Variants in CCDC91 observed in about 807,000 individuals in gnomAD.
CCDC91 encodes coiled-coil domain containing 91, also known as coiled-coil domain-containing protein 91.
In CCDC91, 48 loss-of-function variants were observed where a neutral mutation model predicts 63.2. That is an observed-to-expected ratio of 0.76 (90% CI 0.60 to 0.97). The LOEUF is 0.97. Ranked by LOEUF, CCDC91 falls within the 50% of genes least tolerant of loss-of-function variation. The pLI is 0.00. For missense variants in CCDC91, 500 were observed against 494.6 expected, an observed-to-expected ratio of 1.01 and a Z score of -0.10; for synonymous variants, 167 against 165.8, an observed-to-expected ratio of 1.01 and a Z score of -0.06.
At chr12:28,235,090 C>T (rs1019143770) in intron 1 of CCDC91, among the ~76,000 whole-genome samples, 16 of 152,182 alleles carry the variant, frequency 1.1e-4, no homozygotes, top group Middle Eastern at 3.4e-3. Context: ...TCAGCATAGT[C>T]AAATTTCTTA....
chr12:28,296,136 ATTTTATTTTTTAAATT>A (rs958923224), intron 3 of CCDC91, among the ~76,000 whole-genome samples: 30 of 151,510 alleles, frequency 2.0e-4, no homozygotes, highest in Non-Finnish European at 2.8e-4. Context: ...ATTTTTTTAA[ATTTTATTTTTTAAATT>A]TTTTATTTTT....
At chr12:28,279,236 G>T (rs1948437155) in intron 3 of CCDC91, among the ~76,000 whole-genome samples, 1 of 123,746 alleles carries the variant, frequency 8.1e-6, no homozygotes, top group Non-Finnish European at 1.9e-5. Flanking sequence ...TGATATAAAA[G>T]TTTGTCTCTG....
intron 12 of CCDC91, among the ~76,000 whole-genome samples, chr12:28,507,454 T>G (rs932192512): frequency 1.3e-5 from 2 of 152,014 alleles, no homozygotes; most frequent in African/African-American, 4.8e-5. Flanking sequence ...TCAAAATCAC[T>G]GCCAGTTTTC....
intron 12 of CCDC91, among the ~76,000 whole-genome samples, chr12:28,538,645 T>C (rs146659746): frequency 0.016 from 2,502 of 152,272 alleles, 26 homozygotes; most frequent in South Asian, 0.029. Flanking sequence ...CTGGGTCAAA[T>C]GCTGTTTCTA....
intron 3 of CCDC91, among the ~76,000 whole-genome samples, chr12:28,282,868 G>A (rs747563811): frequency 6.6e-6 from 1 of 152,012 alleles, no homozygotes; most frequent in African/African-American, 2.4e-5. Context: ...AATACATCTT[G>A]GGTTAGTTTT....
Position 28,509,003 on chromosome 12 carries a change from G to C in CCDC91, c.1215+24838G>C, listed in dbSNP as rs569367329. Among the ~76,000 whole-genome samples the C allele has an allele frequency of 3.3e-5, 5 of 151,968 alleles. No homozygotes were observed. The East Asian group carries it at 7.8e-4, about 24-fold the overall frequency. On this transcript the variant is annotated intron_variant, in intron 12 of 12. Coordinates refer to ENST00000536442, the MANE Select transcript of CCDC91 (RefSeq NM_018318.5). ...ATAGGCCATTCCATCATTCTGTTAG[G>C]CCAGTAACTTCTAGTTGTATAGTCT...
At position 28,307,688 on chromosome 12, in the gene CCDC91, G is replaced by C. The variant is rs148160409; in HGVS notation, c.515G>C (p.Gly172Ala). ...GAAAAGCATAATGTCTTAGAAAAAG[G>C]CTTTCTAAAAGAAAAAGAGCAAGAG... Reference protein sequence around the residue: ...LMEKHNVLEKGFLKEKEQEAI... With the variant: ...LMEKHNVLEKAFLKEKEQEAI... The change falls in exon 6 of 13, where the codon GGC becomes GCC. Residue 172 changes from glycine to alanine, a missense_variant. By Grantham distance (60) the Gly-to-Ala change is moderately conservative (BLOSUM62 0). Transcript: ENST00000536442. 89 of 1,588,954 alleles carry C rather than the reference G, an allele frequency of 5.6e-5. No individual in the cohort carries two copies. Among genetic ancestry groups the C allele is most frequent in the Middle Eastern group, 1.7e-4 (1 of 5,990 alleles).
rs544627149 is a variant in CCDC91, at chr12:28,484,055, A to T, written c.1105A>T (p.Thr369Ser). The change falls in exon 12 of 13, where the codon ACT (threonine) becomes TCT (serine). Residue 369 changes from threonine to serine, a missense_variant. By Grantham distance (58) the Thr-to-Ser change is moderately conservative (BLOSUM62 1). Transcript: ENST00000536442. ...IQEQRKISQE[T>S]VKAAIIEEQK... ...TTTTGCCTTCTCCCACAAACAGGAA[A>T]CTGTTAAGGCAGCAATAATAGAAGA... 3.7e-6 allele frequency: 6 copies of T among 1,606,584 alleles called. No homozygotes were observed. The highest frequency in any genetic ancestry group is 5.1e-6 in the Non-Finnish European group (6 of 1,175,726).
chr12:28,296,052 A>G (rs1006424718), intron 3 of CCDC91, among the ~76,000 whole-genome samples: 7 of 151,546 alleles, frequency 4.6e-5, no homozygotes, highest in African/African-American at 1.7e-4. Flanking sequence ...TCATTAGTTT[A>G]TTTCTATTTT....
intron 6 of CCDC91, among the ~76,000 whole-genome samples, chr12:28,341,093 C>A (rs1471994202): frequency 1.3e-5 from 2 of 152,150 alleles, no homozygotes; most frequent in Admixed American, 6.5e-5. Context: ...TGGTCTGCTG[C>A]CTTGCTGACG....
chr12:28,200,001 C>T (rs377671430), intron 1 of CCDC91, among the ~76,000 whole-genome samples: 27 of 152,102 alleles, frequency 1.8e-4, no homozygotes, highest in African/African-American at 6.0e-4. Context: ...GAGAAGTTTC[C>T]TTGTATCGTT....
intron 6 of CCDC91, among the ~76,000 whole-genome samples, chr12:28,336,861 C>G (rs975229775): frequency 4.6e-5 from 7 of 152,002 alleles, no homozygotes; most frequent in Non-Finnish European, 1.0e-4. Context: ...ATTTTTTAAA[C>G]TAAAATTTGA....
At chr12:28,515,903 C>T (rs1359235165) in intron 12 of CCDC91, among the ~76,000 whole-genome samples, 2 of 151,874 alleles carry the variant, frequency 1.3e-5, no homozygotes, top group African/African-American at 4.8e-5. Flanking sequence ...CTTCCAGTCA[C>T]TACTATCCCC....
intron 8 of CCDC91, among the ~76,000 whole-genome samples, chr12:28,440,509 C>T (rs951462992): frequency 1.3e-5 from 2 of 152,068 alleles, no homozygotes; most frequent in Admixed American, 1.3e-4. Flanking sequence ...ATCTTCTTGA[C>T]CTGGATGTAG....
chr12:28,473,772 G>A (rs952305545), intron 11 of CCDC91, among the ~76,000 whole-genome samples: 6 of 152,084 alleles, frequency 3.9e-5, no homozygotes, highest in East Asian at 3.9e-4. Context: ...TTTTGCAACC[G>A]ATGCCGTCAA....
At chr12:28,362,538 T>C (rs1943970272) in intron 7 of CCDC91, 23 bp downstream of exon 7, 2 of 1,480,548 alleles carry the variant, frequency 1.4e-6, no homozygotes, top group Admixed American at 2.2e-5. Flanking sequence ...GAGTGTTTAC[T>C]TTTTTAAACC....
chr12:28,382,885 T>G (rs1945378822), intron 7 of CCDC91, among the ~76,000 whole-genome samples: 1 of 152,084 alleles, frequency 6.6e-6, no homozygotes, highest in Non-Finnish European at 1.5e-5. Context: ...TTCCTTTTTT[T>G]AAACTGAAAC....
intron 11 of CCDC91, among the ~76,000 whole-genome samples, chr12:28,483,499 C>T (rs1481196352): frequency 6.6e-6 from 1 of 151,998 alleles, no homozygotes; most frequent in Non-Finnish European, 1.5e-5. Flanking sequence ...AGTACCATTT[C>T]CCTCCCTAGA....
intron 1 of CCDC91, among the ~76,000 whole-genome samples, chr12:28,252,058 T>C (rs1174568652): frequency 1.3e-5 from 2 of 152,300 alleles, no homozygotes; most frequent in East Asian, 3.9e-4. Flanking sequence ...TGGTTGAATA[T>C]AGAATTCCAT....
Sources: allele counts gnomAD v4.1 joint callset (sites outside exome capture counted in the v4.1 genomes callset), GRCh38; gene constraint gnomAD v4.1.1; transcripts MANE v1.5; gene names NCBI Gene and HGNC (gene_info 2026-07-23, HGNC 2026-07-21).